GRIK2: variants seen among roughly 807,000 people sequenced by gnomAD.
The protein encoded by GRIK2 is glutamate ionotropic receptor kainate type subunit 2.
A neutral mutation model predicts 100.3 loss-of-function variants in GRIK2; 32 were observed. The ratio of observed to expected loss-of-function variants is 0.32; its 90% CI spans 0.24 to 0.43. The LOEUF (loss-of-function observed/expected upper bound fraction) is 0.43. Ranked by LOEUF, GRIK2 falls within the 20% of genes least tolerant of loss-of-function variation. The pLI, the probability that GRIK2 is intolerant of heterozygous loss-of-function variation, is 1.00. For missense variants in GRIK2, 843 were observed against 1,114.9 expected (o/e 0.76, Z 3.47); for synonymous variants, 417 against 389.4 (o/e 1.07, Z -0.83).
chr6:101,766,220 C>T (rs1265812420), intron 7 of GRIK2, among the ~76,000 whole-genome samples: 1 of 151,206 alleles, frequency 6.6e-6, no homozygotes, highest in Non-Finnish European at 1.5e-5. Flanking sequence ...TATGTTTGGG[C>T]TTTTGTTCAG....
intron 2 of GRIK2, among the ~76,000 whole-genome samples, chr6:101,604,131 G>T (rs989656553): frequency 1.3e-5 from 2 of 151,574 alleles, no homozygotes; most frequent in Non-Finnish European, 3.0e-5. Flanking sequence ...ATTTATCTTT[G>T]TTAGGAGTAG....
chr6:101,633,627 A>G lies in GRIK2; in HGVS notation c.541+6990A>G, dbSNP rs1292756576. 2.0e-5 allele frequency among the ~76,000 whole-genome samples: 3 copies of G among 152,308 alleles called. No homozygotes were observed. In the South Asian group the frequency reaches 6.2e-4, roughly 32 times the overall value. On this transcript the variant is annotated intron_variant, in intron 4 of 16. Transcript: ENST00000369134. ...TTTTTGAAATTGATGCTTGTTTATT[A>G]TAGGAAATTCAGGAACTACAATAAA...
At chr6:101,795,276 G>T (rs528583867) in intron 7 of GRIK2, among the ~76,000 whole-genome samples, 2 of 152,278 alleles carry the variant, frequency 1.3e-5, no homozygotes, top group South Asian at 4.1e-4. Flanking sequence ...AGGGTTAGCA[G>T]TAGCATAGTC....
chr6:101,992,633 T>A (rs568061650), intron 14 of GRIK2, among the ~76,000 whole-genome samples: 5 of 151,684 alleles, frequency 3.3e-5, no homozygotes, highest in South Asian at 2.1e-4. Flanking sequence ...GAATTTTTTT[T>A]AAAGTGAAAT....
At chr6:101,818,517 A>G (rs1487574152) in intron 10 of GRIK2, 34 bp downstream of exon 10, 1 of 1,124,968 alleles carries the variant, frequency 8.9e-7, no homozygotes, top group East Asian at 2.4e-5. Context: ...TCTTAGTTAA[A>G]TGTAGATGAA....
At chr6:101,715,925 A>G (rs990966191) in intron 7 of GRIK2, among the ~76,000 whole-genome samples, 2 of 151,752 alleles carry the variant, frequency 1.3e-5, no homozygotes, top group Non-Finnish European at 1.5e-5. Context: ...TTTTAACAAA[A>G]CTCTGTTAGT....
chr6:101,890,103 T>C, intron 12 of GRIK2: 1 of 359,840 alleles, frequency 2.8e-6, no homozygotes, highest in East Asian at 4.4e-5. Context: ...ACTGTTTTCT[T>C]AACCAGAATA....
intron 7 of GRIK2, among the ~76,000 whole-genome samples, chr6:101,754,446 G>A (rs1261026200): frequency 3.3e-5 from 5 of 152,170 alleles, no homozygotes; most frequent in Admixed American, 3.3e-4. Flanking sequence ...CAGATTTTCT[G>A]TCTTACGTAG....
chr6:101,791,419 A>G (rs1284849727), intron 7 of GRIK2, among the ~76,000 whole-genome samples: 4 of 152,002 alleles, frequency 2.6e-5, no homozygotes, highest in Non-Finnish European at 1.5e-5. Flanking sequence ...TTTTGTTCTC[A>G]TTGGTGTCAA....
chr6:101,415,129 G>A (rs1776071833), intron 2 of GRIK2, among the ~76,000 whole-genome samples: 1 of 151,804 alleles, frequency 6.6e-6, no homozygotes, highest in African/African-American at 2.4e-5. Context: ...TTATCATTTT[G>A]TTTCTATTAA....
chr6:101,823,906 C>T (rs1386421903), intron 10 of GRIK2, among the ~76,000 whole-genome samples: 1 of 139,396 alleles, frequency 7.2e-6, no homozygotes, highest in Non-Finnish European at 1.5e-5. Context: ...CTCGCTCTGT[C>T]GCCCAGGCTG....
intron 7 of GRIK2, among the ~76,000 whole-genome samples, chr6:101,751,304 A>G (rs890989536): frequency 1.3e-5 from 2 of 152,056 alleles, no homozygotes; most frequent in South Asian, 2.1e-4. Flanking sequence ...TATGTACAAA[A>G]GTAGACACAA....
intron 16 of GRIK2, chr6:102,065,661 ATTTATTGGTT>A: frequency 3.8e-6 from 2 of 523,314 alleles, no homozygotes; most frequent in Non-Finnish European, 6.6e-6. Flanking sequence ...GATTTGGGAA[ATTTATTGGTT>A]TTAAATGAAG....
rs187303510 is a variant in GRIK2, at chr6:101,433,469, A to G, written c.115+34077A>G. On this transcript the variant is annotated intron_variant, in intron 2 of 16. Transcript: ENST00000369134. ...TTAGGATGGTTATGAGTATTAAAAG[A>G]GATAACAGATGTAATGGCCTCAGCT... Among the ~76,000 whole-genome samples the G allele has an allele frequency of 4.8e-4, 73 of 152,322 alleles. 1 individual carries two copies. The East Asian group carries it at 0.013, about 28-fold the overall frequency.
At chr6:101,836,132 C>G (rs894372135) in intron 10 of GRIK2, among the ~76,000 whole-genome samples, 1 of 151,814 alleles carries the variant, frequency 6.6e-6, no homozygotes, top group Non-Finnish European at 1.5e-5. Context: ...ACAGGTCATT[C>G]TGATTCTTAA....
At chr6:101,871,418 C>T (rs1018514396) in intron 11 of GRIK2, among the ~76,000 whole-genome samples, 2 of 151,684 alleles carry the variant, frequency 1.3e-5, no homozygotes, top group African/African-American at 4.9e-5. Context: ...GTTACATGTG[C>T]AGATTTATTA....
At chr6:101,525,047 C>T (rs1205519312) in intron 2 of GRIK2, among the ~76,000 whole-genome samples, 1 of 152,014 alleles carries the variant, frequency 6.6e-6, no homozygotes, top group African/African-American at 2.4e-5. Context: ...CTTGCGTGTT[C>T]TTGAAAGCAG....
intron 4 of GRIK2, among the ~76,000 whole-genome samples, chr6:101,651,641 C>T (rs965373764): frequency 6.6e-6 from 1 of 152,054 alleles, no homozygotes; most frequent in Non-Finnish European, 1.5e-5. Context: ...TGTGGATAAA[C>T]AGAAGAACAT....
At chr6:101,812,774 G>A (rs1406904189) in intron 9 of GRIK2, among the ~76,000 whole-genome samples, 5 of 151,994 alleles carry the variant, frequency 3.3e-5, no homozygotes, top group Admixed American at 3.3e-4. Flanking sequence ...CTGCACAGAG[G>A]AGGAATTGTT....
Sources: allele counts gnomAD v4.1 joint callset (sites outside exome capture counted in the v4.1 genomes callset), GRCh38; gene constraint gnomAD v4.1.1; transcripts MANE v1.5; gene names NCBI Gene and HGNC (gene_info 2026-07-23, HGNC 2026-07-21).